The following BBS9 variants were observed in gnomAD, a reference collection of about 807,000 sequenced individuals.
The protein encoded by BBS9 is protein PTHB1.
In BBS9, 89 loss-of-function variants were observed where a neutral mutation model predicts 117.7. The ratio of observed to expected loss-of-function variants is 0.76; its 90% confidence interval spans 0.64 to 0.90. The LOEUF (loss-of-function observed/expected upper bound fraction) is 0.90. Ranked by LOEUF, BBS9 falls within the 40% of genes least tolerant of loss-of-function variation. The pLI is 0.00. For synonymous variants in BBS9, 379 were observed against 370.9 expected (o/e 1.02, Z -0.25); for missense variants, 982 against 1,042.2 (o/e 0.94, Z 0.80).
At chr7:33,201,891 T>C (rs748614882) in intron 5 of BBS9, among the ~76,000 whole-genome samples, 3 of 152,208 alleles carry the variant, frequency 2.0e-5, no homozygotes, top group Non-Finnish European at 4.4e-5. Context: ...AAGGCTCTTA[T>C]TTTCTGTCCT....
chr7:33,349,217 T>G (rs73101660), intron 13 of BBS9, 47 bp downstream of exon 13: 12 of 1,359,846 alleles, frequency 8.8e-6, no homozygotes, highest in Admixed American at 1.7e-5. Context: ...GTGAATTTTT[T>G]AAAAATACTA....
At chr7:33,515,612 A>G (rs1209981809) in intron 20 of BBS9, among the ~76,000 whole-genome samples, 2 of 152,256 alleles carry the variant, frequency 1.3e-5, no homozygotes, top group East Asian at 1.9e-4. Flanking sequence ...TTGATGTTTA[A>G]TGCTCTCACA....
At position 33,339,240 on chromosome 7, in the gene BBS9, G is replaced by A. The variant is rs142769186; in HGVS notation, c.1199-1657G>A. On this transcript the variant is annotated intron_variant, in intron 10 of 22. Transcript: ENST00000242067. ...CATGGCTTTTGGAACTCCTGCCCTC[G>A]CATCTGCTGCTGAGTCAGCCCCCTT... Among the ~76,000 whole-genome samples, 206 of 152,142 alleles carry A rather than the reference G, an allele frequency of 1.4e-3. 3 individuals carry two copies. The East Asian group carries it at 0.038, about 28-fold the overall frequency.
chr7:33,332,944 A>G (rs1334841958), intron 9 of BBS9, among the ~76,000 whole-genome samples: 8 of 152,078 alleles, frequency 5.3e-5, no homozygotes, highest in Non-Finnish European at 1.5e-5. Flanking sequence ...AATCATCACC[A>G]CTATCCATCT....
chr7:33,251,271 T>C (rs1438872023), intron 5 of BBS9, among the ~76,000 whole-genome samples: 1 of 152,214 alleles, frequency 6.6e-6, no homozygotes, highest in African/African-American at 2.4e-5. Flanking sequence ...CCTCACGCAT[T>C]ACTCACCAGG....
intron 19 of BBS9, among the ~76,000 whole-genome samples, chr7:33,393,812 G>A (rs1268394534): frequency 8.5e-5 from 13 of 152,100 alleles, no homozygotes; most frequent in Admixed American, 7.2e-4. Context: ...GGCCTATTGT[G>A]GGTGGCAGCC....
chr7:33,269,740 A>G (rs2128337960), intron 7 of BBS9, among the ~76,000 whole-genome samples: 2 of 152,040 alleles, frequency 1.3e-5, no homozygotes, highest in South Asian at 4.2e-4. Context: ...AAAAAAAAAA[A>G]AAGGCCAGGC....
chr7:33,242,952 T>A (rs769398000), intron 5 of BBS9: 8 of 518,810 alleles, frequency 1.5e-5, no homozygotes, highest in South Asian at 1.1e-4. Context: ...GTGTGTCCTT[T>A]AATAAATCAT....
intron 19 of BBS9, 136 bp from the exon 20 acceptor site, chr7:33,505,327 C>T (rs998083308): frequency 1.1e-6 from 1 of 874,608 alleles, no homozygotes; most frequent in East Asian, 2.4e-5. Context: ...TCTTTTATTA[C>T]TTAACATAGC....
chr7:33,592,819 T>G (rs1862152727), intron 21 of BBS9, among the ~76,000 whole-genome samples: 1 of 152,140 alleles, frequency 6.6e-6, no homozygotes, highest in Non-Finnish European at 1.5e-5. Context: ...AGCCACTTGA[T>G]GCAAGAGGGA....
chr7:33,358,498 G>C (rs1439496657), intron 16 of BBS9, among the ~76,000 whole-genome samples: 4 of 151,834 alleles, frequency 2.6e-5, no homozygotes, highest in Non-Finnish European at 5.9e-5. Flanking sequence ...TGCATCCTGT[G>C]CTTCTGGTTG....
At chr7:33,508,715 G>A (rs1846490536) in intron 20 of BBS9, among the ~76,000 whole-genome samples, 1 of 152,216 alleles carries the variant, frequency 6.6e-6, no homozygotes, top group African/African-American at 2.4e-5. Context: ...AGGCAGGGCT[G>A]GCAGGTTGTC....
At chr7:33,608,101 A>T (rs1271212510), downstream of BBS9, among the ~76,000 whole-genome samples, 1 of 151,934 alleles carries the variant, frequency 6.6e-6, no homozygotes, top group Non-Finnish European at 1.5e-5. Context: ...CAAGTCCATG[A>T]GTACCCATTG....
intron 1 of BBS9, among the ~76,000 whole-genome samples, chr7:33,133,723 C>T (rs1034157635): frequency 1.3e-5 from 2 of 151,974 alleles, no homozygotes; most frequent in Non-Finnish European, 2.9e-5. Context: ...TGGGTTGTTT[C>T]CAAATTTTAG....
intron 20 of BBS9, among the ~76,000 whole-genome samples, chr7:33,526,174 C>A (rs1266899697): frequency 6.6e-6 from 1 of 151,738 alleles, no homozygotes; most frequent in East Asian, 1.9e-4. Flanking sequence ...CTCTGGCTGC[C>A]CTTAACATTT....
At chr7:33,351,476 T>C (rs1456537862) in intron 14 of BBS9, 153 bp downstream of exon 14, 4 of 707,686 alleles carry the variant, frequency 5.7e-6, no homozygotes, top group East Asian at 5.5e-5. Context: ...ATTACTTTTA[T>C]GTGTTATGAG....
chr7:33,368,598 A>G (rs1023874366), intron 17 of BBS9, among the ~76,000 whole-genome samples: 341 of 151,530 alleles, frequency 2.3e-3, no homozygotes, highest in African/African-American at 8.1e-3. Flanking sequence ...ACACACACAC[A>G]CACACACACA....
intron 14 of BBS9, 59 bp downstream of exon 14, chr7:33,351,382 T>A: frequency 2.7e-6 from 3 of 1,109,882 alleles, no homozygotes; most frequent in Non-Finnish European, 4.2e-6. Context: ...AAAATGCTTA[T>A]GCATTTAAGA....
rs917781715 is a variant in BBS9, at chr7:33,458,205, G to A, written c.2116-47258G>A. Among the ~76,000 whole-genome samples, 9 of 152,278 alleles carry A rather than the reference G, an allele frequency of 5.9e-5. No homozygotes were observed. In the East Asian group the frequency reaches 1.4e-3, roughly 23 times the overall value. ...TTTATATCACTCTTTAAGAAGAAAT[G>A]TGAAAGTCATCCGAGGAAAGGCTGA... On this transcript the variant is annotated intron_variant, in intron 19 of 22. Transcript: ENST00000242067.
Sources: gnomAD v4.1 joint callset for allele counts (sites outside exome capture counted in the v4.1 genomes callset) on GRCh38, gnomAD v4.1.1 for gene constraint, MANE v1.5 for transcripts, NCBI Gene and HGNC (gene_info 2026-07-23, HGNC 2026-07-21) for gene names.